The following PLAC9 variants were observed in gnomAD, a reference collection of about 807,000 sequenced individuals.
PLAC9 encodes placenta associated 9.
Under a neutral mutation model 11.5 loss-of-function variants are expected in PLAC9, and 12 were observed. The observed-to-expected ratio is 1.05, with a 90% confidence interval of 0.67 to 1.69. The LOEUF is 1.69. Ranked by LOEUF, PLAC9 falls within the 40% of genes most tolerant of loss-of-function variation. The pLI is 0.00. For synonymous variants in PLAC9, 62 were observed against 58.1 expected (o/e 1.07, Z -0.31); for missense variants, 132 against 130.5 (o/e 1.01, Z -0.06).
Position 80,144,927 on chromosome 10 carries a change from C to G in PLAC9, c.*17C>G. 6.4e-7 allele frequency: 1 copy of G among 1,571,894 alleles called. No homozygotes were observed. The highest frequency in any genetic ancestry group is 1.2e-5 in the South Asian group (1 of 85,578). On this transcript the variant is annotated 3_prime_UTR_variant, in exon 4 of 4. Coordinates refer to ENST00000372263, the MANE Select transcript of PLAC9 (RefSeq NM_001012973.3). ...GGCTTCTGAGCCCTGGAGCTGGAGC[C>G]CAGCAGTTGGAGGTGGTGCACCTGC...
At chr10:80,131,799 C>T (rs1349592676), upstream of PLAC9, 1 of 152,260 alleles carries the variant, frequency 6.6e-6, no homozygotes. Flanking sequence ...ACACAGAAGG[C>T]AGAGAGGCAG....
Position 80,137,045 on chromosome 10 carries a change from C to T in PLAC9, c.64+4219C>T, listed in dbSNP as rs188649744. Reference sequence around the variant, plus strand: ...TTCTACCATGATGCGTTCAAGTCAGCGCTGTGGTGAGGATGCTGGCAGTAC... The same window carrying T: ...TTCTACCATGATGCGTTCAAGTCAGTGCTGTGGTGAGGATGCTGGCAGTAC... On this transcript the variant is annotated intron_variant, in intron 1 of 3. Transcript: ENST00000372263. Among the ~76,000 whole-genome samples the T allele has an allele frequency of 1.8e-4, 27 of 152,326 alleles. No homozygotes were observed. In the East Asian group the frequency reaches 4.6e-3, roughly 26 times the overall value.
chr10:80,134,521 C>T (rs1844951874), intron 1 of PLAC9, among the ~76,000 whole-genome samples: 1 of 152,116 alleles, frequency 6.6e-6, no homozygotes, highest in South Asian at 2.1e-4. Flanking sequence ...GCCTTGGCCT[C>T]CCAAAGTGCT....
chr10:80,135,508 G>A (rs1844965562), intron 1 of PLAC9, among the ~76,000 whole-genome samples: 1 of 151,288 alleles, frequency 6.6e-6, no homozygotes, highest in Admixed American at 6.6e-5. Context: ...GCATTTTTTA[G>A]TAGAGACGGG....
intron 1 of PLAC9, among the ~76,000 whole-genome samples, chr10:80,137,027 AT>A (rs1464029675): frequency 6.6e-6 from 1 of 152,232 alleles, no homozygotes; most frequent in African/African-American, 2.4e-5. Flanking sequence ...GTTTTCTACC[AT>A]GATGCGTTCA....
chr10:80,143,892 A>G (rs183777677), intron 2 of PLAC9, among the ~76,000 whole-genome samples: 1 of 152,322 alleles, frequency 6.6e-6, no homozygotes, highest in East Asian at 1.9e-4. Context: ...TTTGGCAGAG[A>G]TACCACCAGG....
At chr10:80,135,274 G>A (rs1416302549) in intron 1 of PLAC9, among the ~76,000 whole-genome samples, 4 of 148,522 alleles carry the variant, frequency 2.7e-5, no homozygotes, top group East Asian at 3.9e-4. Flanking sequence ...TGCCCGCCTC[G>A]GCCTCCCAAA....
chr10:80,137,655 C>G (rs1314460585), intron 1 of PLAC9, among the ~76,000 whole-genome samples: 2 of 152,148 alleles, frequency 1.3e-5, no homozygotes, highest in East Asian at 1.9e-4. Context: ...TTGTTCACTC[C>G]TATAATCCCA....
chr10:80,142,022 G>C lies in PLAC9; in HGVS notation c.65-60G>C, dbSNP rs1487047654. The C allele has an allele frequency of 5.6e-6, 8 of 1,424,982 alleles. No individual in the cohort carries two copies. The East Asian group carries it at 1.9e-4, about 34-fold the overall frequency. The allele number at this position is 1,424,982 out of a possible 1,614,324, so 88.3% of individuals were successfully genotyped here. A position where few individuals can be genotyped will look rare whatever the true frequency, so the allele number is the denominator to read the frequency against. On this transcript the variant is annotated intron_variant, in intron 1 of 3. Coordinates refer to ENST00000372263, the MANE Select transcript of PLAC9 (RefSeq NM_001012973.3). ...CCTCATTTGAGCCCAGTGTTTACAG[G>C]AGTCTCTGGCATTATGGAAAACTAA... is the stretch of plus-strand genomic sequence containing the variant.
intron 1 of PLAC9, among the ~76,000 whole-genome samples, chr10:80,133,951 A>G (rs1221859134): frequency 6.6e-6 from 1 of 151,648 alleles, no homozygotes; most frequent in East Asian, 1.9e-4. Context: ...TTCAAAAAAA[A>G]AAAAAAAAGA....
At chr10:80,137,913 TAAAA>T (rs1233192428) in intron 1 of PLAC9, among the ~76,000 whole-genome samples, 3 of 112,298 alleles carry the variant, frequency 2.7e-5, no homozygotes, top group South Asian at 5.5e-4. Flanking sequence ...AGACCCTGTC[TAAAA>T]AAAAAAAAAA....
chr10:80,143,568 T>C (rs757498248), intron 2 of PLAC9, among the ~76,000 whole-genome samples: 47 of 151,860 alleles, frequency 3.1e-4, no homozygotes, highest in Non-Finnish European at 5.4e-4. Flanking sequence ...GGCTTCTTTT[T>C]GTATTTTTAG....
At chr10:80,144,477 C>A (rs1483904530) in intron 3 of PLAC9, 134 bp downstream of exon 3, 2 of 1,281,538 alleles carry the variant, frequency 1.6e-6, no homozygotes, top group East Asian at 5.1e-5. Context: ...TCCCTGGGGA[C>A]GGAAGCGGGA....
At chr10:80,131,848 C>A (rs1844916933), upstream of PLAC9, 1 of 152,250 alleles carries the variant, frequency 6.6e-6, no homozygotes, top group African/African-American at 2.4e-5. Context: ...CCAACGGGGA[C>A]CCTTGATGGA....
rs781568905 is a variant in PLAC9, at chr10:80,142,127, C to G, written c.110C>G (p.Thr37Arg). ...CCGCGAGGAGACTCAGCTCAGAGCA[C>G]AGCGTGTGACAGACACATGGCTGTG... ...SPPRGDSAQS[T>R]ACDRHMAVQR... The change falls in exon 2 of 4, where the codon ACA (threonine) becomes AGA (arginine). Residue 37 changes from threonine (T) to arginine (R), a missense_variant. Coordinates refer to ENST00000372263, the MANE Select transcript of PLAC9 (RefSeq NM_001012973.3). 2 of 1,611,530 alleles carry G rather than the reference C, an allele frequency of 1.2e-6. No individual in the cohort carries two copies. Among genetic ancestry groups the G allele is most frequent in the East Asian group, 2.2e-5 (1 of 44,760 alleles).
chr10:80,137,134 A>C (rs1844988335), intron 1 of PLAC9, among the ~76,000 whole-genome samples: 1 of 152,200 alleles, frequency 6.6e-6, no homozygotes, highest in Non-Finnish European at 1.5e-5. Flanking sequence ...CGATGAGCTC[A>C]CGGACAGTTG....
At position 80,144,900 on chromosome 10, in the gene PLAC9, A is replaced by G. The variant is rs1166251922; in HGVS notation, c.284A>G (p.Asp95Gly). ...PFSPAPDLLG[D>G]GF ...ACTGGGGGCCTCTGCTTTCTTTCAG[A>G]TGGCTTCTGAGCCCTGGAGCTGGAG... The change falls in exon 4 of 4, where the codon GAT (aspartate) becomes GGT (glycine). Residue 95 changes from aspartate to glycine, a missense_variant and splice_region_variant. Coordinates refer to ENST00000372263, the MANE Select transcript of PLAC9 (RefSeq NM_001012973.3). 8 of 1,576,216 alleles carry G rather than the reference A, an allele frequency of 5.1e-6. No individual in the cohort carries two copies. In the South Asian group the frequency reaches 7.0e-5, roughly 14 times the overall value.
chr10:80,138,917 C>G (rs1845008175), intron 1 of PLAC9, among the ~76,000 whole-genome samples: 1 of 151,832 alleles, frequency 6.6e-6, no homozygotes, highest in African/African-American at 2.4e-5. Flanking sequence ...CTCTCTGAAG[C>G]TGCTCGACCT....
At chr10:80,144,487 A>G (rs1845078087) in intron 3 of PLAC9, 144 bp downstream of exon 3, 1 of 1,233,346 alleles carries the variant, frequency 8.1e-7, no homozygotes, top group Non-Finnish European at 1.1e-6. Context: ...CGGAAGCGGG[A>G]CGGCATCATC....
Sources: gnomAD v4.1 joint callset for allele counts (sites outside exome capture counted in the v4.1 genomes callset) on GRCh38, gnomAD v4.1.1 for gene constraint, MANE v1.5 for transcripts, NCBI Gene and HGNC (gene_info 2026-07-23, HGNC 2026-07-21) for gene names.